Variants in SMIM13 observed in about 807,000 individuals in gnomAD.
SMIM13 encodes UPF0766 protein C6orf228.
Under a neutral mutation model 5.9 loss-of-function variants are expected in SMIM13, and 3 were observed. The observed-to-expected ratio is 0.51, with a 90% CI of 0.23 to 1.31. The LOEUF is 1.31. Among genes scored for constraint, SMIM13 ranks in the 40% most tolerant of loss-of-function variants. SMIM13 has a pLI of 0.18. For missense variants in SMIM13, 85 were observed against 109.9 expected, an observed-to-expected ratio of 0.77 and a Z score of 1.01; for synonymous variants, 55 against 46.0, an observed-to-expected ratio of 1.19 and a Z score of -0.79.
chr6:11,128,357 G>C (rs1758405560), intron 1 of SMIM13, among the ~76,000 whole-genome samples: 1 of 152,124 alleles, frequency 6.6e-6, no homozygotes, highest in African/African-American at 2.4e-5. Flanking sequence ...GACTCTGCTT[G>C]GTGCCCTATT....
intron 1 of SMIM13, among the ~76,000 whole-genome samples, chr6:11,094,832 A>G (rs554958953): frequency 3.7e-4 from 57 of 152,254 alleles, no homozygotes; most frequent in African/African-American, 1.3e-3. Context: ...CACGCGTGAA[A>G]TTGTTTACTT....
intron 1 of SMIM13, among the ~76,000 whole-genome samples, chr6:11,118,506 C>T (rs940699618): frequency 1.3e-5 from 2 of 152,176 alleles, no homozygotes; most frequent in African/African-American, 4.8e-5. Context: ...AGTGAACACA[C>T]TGGAAAACTG....
At chr6:11,096,271 A>C (rs558387045) in intron 1 of SMIM13, among the ~76,000 whole-genome samples, 1 of 152,168 alleles carries the variant, frequency 6.6e-6, no homozygotes, top group Non-Finnish European at 1.5e-5. Flanking sequence ...GGAGCGAGCA[A>C]CCTAGATCCC....
At chr6:11,128,334 A>G (rs560162468) in intron 1 of SMIM13, among the ~76,000 whole-genome samples, 1 of 152,254 alleles carries the variant, frequency 6.6e-6, no homozygotes, top group South Asian at 2.1e-4. Context: ...AGGGCCTGGA[A>G]TGGCAACCTC....
intron 1 of SMIM13, among the ~76,000 whole-genome samples, chr6:11,127,100 A>G (rs974487851): frequency 4.6e-5 from 7 of 152,152 alleles, no homozygotes; most frequent in Admixed American, 2.6e-4. Flanking sequence ...CAGCATAACA[A>G]TGGGTCTTGA....
At chr6:11,129,052 G>T (rs758504838) in intron 1 of SMIM13, among the ~76,000 whole-genome samples, 2 of 146,644 alleles carry the variant, frequency 1.4e-5, no homozygotes, top group Non-Finnish European at 3.0e-5. Context: ...GTGGATAGTT[G>T]TTCAATTTGG....
chr6:11,112,683 T>C (rs369982221), intron 1 of SMIM13, among the ~76,000 whole-genome samples: 1 of 152,266 alleles, frequency 6.6e-6, no homozygotes, highest in East Asian at 1.9e-4. Flanking sequence ...ATATCAGTAA[T>C]ACATTCTTTT....
chr6:11,100,484 C>G (rs1757976629), intron 1 of SMIM13, among the ~76,000 whole-genome samples: 1 of 152,108 alleles, frequency 6.6e-6, no homozygotes, highest in South Asian at 2.1e-4. Context: ...GATCCAGAAC[C>G]TTCCTTCTTT....
intron 1 of SMIM13, among the ~76,000 whole-genome samples, chr6:11,123,907 G>A (rs1053960556): frequency 2.0e-5 from 3 of 151,794 alleles, no homozygotes; most frequent in African/African-American, 7.3e-5. Context: ...ACATATATGG[G>A]GTACATGAGA....
At chr6:11,101,707 G>A (rs1057461344) in intron 1 of SMIM13, among the ~76,000 whole-genome samples, 2 of 150,948 alleles carry the variant, frequency 1.3e-5, no homozygotes, top group Admixed American at 6.6e-5. Flanking sequence ...CTGTTTTACT[G>A]TAATTCCAGA....
At chr6:11,105,565 A>T (rs1429397414) in intron 1 of SMIM13, 1 of 434,420 alleles carries the variant, frequency 2.3e-6, no homozygotes, top group East Asian at 4.3e-5. Context: ...TCTGGAGTTT[A>T]AGGGCTTTTC....
At chr6:11,099,766 G>A (rs964029140) in intron 1 of SMIM13, among the ~76,000 whole-genome samples, 2 of 152,194 alleles carry the variant, frequency 1.3e-5, no homozygotes, top group Non-Finnish European at 2.9e-5. Flanking sequence ...GGTAGAGGTA[G>A]AGAAGCATCA....
intron 1 of SMIM13, chr6:11,111,600 G>T (rs1758167852): frequency 6.6e-6 from 1 of 152,360 alleles, no homozygotes; most frequent in African/African-American, 2.4e-5. Flanking sequence ...AAGCAGGAGA[G>T]TGAAAGAGGA....
rs193015341 is a variant in SMIM13 at position 11,117,896 on chromosome 6, C to T, written c.77-16507C>T. 5.4e-4 allele frequency among the ~76,000 whole-genome samples: 82 copies of T among 152,166 alleles called. No individual in the cohort carries two copies. In the East Asian group the frequency reaches 0.014, roughly 27 times the overall value. ...TTGCAAGTAGCTGGGATTGCATGCCCAACAAATTTTTGTGTTTTCAATAGA... is the reference window on the plus strand; with the variant it reads ...TTGCAAGTAGCTGGGATTGCATGCCTAACAAATTTTTGTGTTTTCAATAGA... On this transcript the variant is annotated intron_variant, in intron 1 of 1. Coordinates refer to ENST00000416247, the MANE Select transcript of SMIM13 (RefSeq NM_001135575.2).
chr6:11,129,994 A>G (rs953771566), intron 1 of SMIM13, among the ~76,000 whole-genome samples: 8 of 152,194 alleles, frequency 5.3e-5, no homozygotes, highest in South Asian at 2.1e-4. Context: ...TGTTCAGACT[A>G]TGAACACTCT....
intron 1 of SMIM13, among the ~76,000 whole-genome samples, chr6:11,095,544 G>T (rs1757912520): frequency 6.6e-6 from 1 of 152,134 alleles, no homozygotes; most frequent in South Asian, 2.1e-4. Context: ...TAGAGATGGG[G>T]TTTAACCGTG....
intron 1 of SMIM13, among the ~76,000 whole-genome samples, chr6:11,100,477 C>G (rs887643288): frequency 2.0e-5 from 3 of 152,174 alleles, no homozygotes; most frequent in Admixed American, 1.3e-4. Flanking sequence ...CCACCCAGAT[C>G]CAGAACCTTC....
chr6:11,104,464 AG>A (rs1758051837), intron 1 of SMIM13: 1 of 1,552,132 alleles, frequency 6.4e-7, no homozygotes, highest in Non-Finnish European at 8.7e-7. Context: ...AAATGAAATA[AG>A]GGGGTGAGGG....
Position 11,136,788 on chromosome 6 carries a change from A to C in SMIM13, c.*2186A>C, listed in dbSNP as rs946244438. On this transcript the variant is annotated 3_prime_UTR_variant, in exon 2 of 2. Coordinates refer to ENST00000416247, the MANE Select transcript of SMIM13 (RefSeq NM_001135575.2). The stretch of plus-strand genomic sequence containing the variant: ...TCAAGCGTTAATTTTAATGCTTCCT[A>C]CTAGCTAAATATCATCTTAAAATGA... 1 of 152,002 alleles carries C rather than the reference A, an allele frequency of 6.6e-6. No homozygotes were observed. Among genetic ancestry groups the C allele is most frequent in the Non-Finnish European group, 1.5e-5 (1 of 67,984 alleles). 9.4% of individuals were successfully genotyped at this position (152,002 alleles called of 1,614,324 possible).
Sources: gnomAD v4.1 joint callset for allele counts (sites outside exome capture counted in the v4.1 genomes callset) on GRCh38, gnomAD v4.1.1 for gene constraint, MANE v1.5 for transcripts, NCBI Gene and HGNC (gene_info 2026-07-23, HGNC 2026-07-21) for gene names.